The following GALNTL5 variants were observed in gnomAD, a reference collection of about 807,000 sequenced individuals.
The protein encoded by GALNTL5 is polypeptide N-acetylgalactosaminyltransferase like 5.
In GALNTL5, 44 loss-of-function variants were observed where a neutral mutation model predicts 51.0. That is an observed-to-expected ratio of 0.86 (90% CI 0.68 to 1.11). The LOEUF (loss-of-function observed/expected upper bound fraction) is 1.11. GALNTL5 is among the 50% of genes least tolerant of loss of function. The pLI is 0.00. For missense variants in GALNTL5, 528 were observed against 531.8 expected (o/e 0.99, Z 0.07); for synonymous variants, 192 against 182.8 (o/e 1.05, Z -0.41).
At chr7:151,987,883 G>C (rs1215973287) in intron 5 of GALNTL5, among the ~76,000 whole-genome samples, 1 of 152,226 alleles carries the variant, frequency 6.6e-6, no homozygotes, top group Non-Finnish European at 1.5e-5. Flanking sequence ...CCGTTAGGGA[G>C]ACCTGCAATG....
chr7:151,971,270 GT>G (rs2081135315), intron 3 of GALNTL5, among the ~76,000 whole-genome samples: 1 of 152,144 alleles, frequency 6.6e-6, no homozygotes, highest in South Asian at 2.1e-4. Context: ...TGTAGAGAAT[GT>G]CTTCTTCGTG....
At chr7:152,013,817 C>T (rs1159781858) in intron 7 of GALNTL5, among the ~76,000 whole-genome samples, 4 of 152,182 alleles carry the variant, frequency 2.6e-5, no homozygotes, top group South Asian at 2.1e-4. Flanking sequence ...TTGACTCACT[C>T]GGAATGTTAG....
rs934340225 is a variant in GALNTL5, at chr7:151,956,449, A to G, written c.-200A>G. 2.6e-5 allele frequency: 4 copies of G among 152,404 alleles called. No homozygotes were observed. The highest frequency in any genetic ancestry group is 5.9e-5 in the Non-Finnish European group (4 of 68,114). The allele number at this position is 152,404 out of a possible 1,614,324, so 9.4% of individuals were successfully genotyped here. ...CTACTGTGTGGCCCCGCAACCCAGC[A>G]CAACCAGGTATCTGCTTGGAACCCA... is the stretch of plus-strand genomic sequence containing the variant. On this transcript the variant is annotated 5_prime_UTR_variant, in exon 1 of 9. Transcript: ENST00000392800.
At chr7:151,964,061 G>T (rs535339034) in intron 1 of GALNTL5, among the ~76,000 whole-genome samples, 1 of 152,108 alleles carries the variant, frequency 6.6e-6, no homozygotes, top group South Asian at 2.1e-4. Flanking sequence ...CCAGCTGCCG[G>T]CAGGTTTGGT....
intron 3 of GALNTL5, among the ~76,000 whole-genome samples, chr7:151,976,083 A>G (rs557294087): frequency 6.6e-6 from 1 of 152,288 alleles, no homozygotes; most frequent in East Asian, 1.9e-4. Context: ...TGTTAGGTCC[A>G]TTTGATCTAA....
chr7:151,982,051 A>G (rs1378446038), intron 3 of GALNTL5, among the ~76,000 whole-genome samples: 1 of 152,118 alleles, frequency 6.6e-6, no homozygotes, highest in Non-Finnish European at 1.5e-5. Flanking sequence ...AATAATTAAT[A>G]ACTAATATTA....
chr7:151,962,201 C>G (rs1393349904), intron 1 of GALNTL5, among the ~76,000 whole-genome samples: 1 of 151,832 alleles, frequency 6.6e-6, no homozygotes, highest in Admixed American at 6.6e-5. Context: ...CAGGGTTTTA[C>G]CATGTTGGTC....
Position 152,019,822 on chromosome 7 carries a change from A to G in GALNTL5, c.*21A>G. The G allele has an allele frequency of 6.3e-7, 1 of 1,596,088 alleles. No homozygotes were observed. The highest frequency in any genetic ancestry group is 8.6e-7 in the Non-Finnish European group (1 of 1,167,646). ...TGTGAAAGGAAAACAAATCACTTTC[A>G]TTAATAAAGGGTTAAAAGTCTCCTA... On this transcript the variant is annotated 3_prime_UTR_variant, in exon 9 of 9. Coordinates refer to ENST00000392800, the MANE Select transcript of GALNTL5 (RefSeq NM_145292.4).
At chr7:151,993,910 C>T (rs1339119758) in intron 5 of GALNTL5, among the ~76,000 whole-genome samples, 1 of 152,166 alleles carries the variant, frequency 6.6e-6, no homozygotes, top group East Asian at 1.9e-4. Context: ...GCATGAGCCA[C>T]CACACATGGC....
intron 3 of GALNTL5, among the ~76,000 whole-genome samples, chr7:151,980,470 C>T (rs1434029213): frequency 1.3e-5 from 2 of 152,186 alleles, no homozygotes; most frequent in Non-Finnish European, 2.9e-5. Context: ...TGCCCTCATT[C>T]CCATCTGTTC....
At chr7:151,969,844 T>A (rs1182494808) in intron 2 of GALNTL5, among the ~76,000 whole-genome samples, 3 of 152,226 alleles carry the variant, frequency 2.0e-5, no homozygotes, top group Non-Finnish European at 4.4e-5. Context: ...TCTCGCTCTG[T>A]CGCCCAGGCT....
intron 3 of GALNTL5, among the ~76,000 whole-genome samples, chr7:151,980,451 C>T (rs533095989): frequency 2.3e-4 from 35 of 152,302 alleles, no homozygotes; most frequent in African/African-American, 7.5e-4. Context: ...CAAGTGCAGA[C>T]GGTGCAGGTG....
In GALNTL5 at chr7:151,989,747, C is replaced by T. The variant is rs141818225; in HGVS notation, c.658+2466C>T. On this transcript the variant is annotated intron_variant, in intron 5 of 8. Coordinates refer to ENST00000392800, the MANE Select transcript of GALNTL5 (RefSeq NM_145292.4). ...TCTGCAGCCAGAGATGAATATGGCC[C>T]GTCTTTTTAATGTTTGCCACAGTTG... Among the ~76,000 whole-genome samples the T allele has an allele frequency of 5.0e-3, 765 of 152,194 alleles. 2 individuals carry two copies. Among genetic ancestry groups the T allele is most frequent in the Middle Eastern group, 0.017 (5 of 292 alleles).
intron 2 of GALNTL5, 139 bp downstream of exon 2, chr7:151,967,632 A>ACTG: frequency 1.8e-6 from 1 of 545,798 alleles, no homozygotes; most frequent in South Asian, 3.3e-5. Flanking sequence ...TAGTGTATAT[A>ACTG]TCTATACATA....
intron 5 of GALNTL5, among the ~76,000 whole-genome samples, chr7:151,989,958 T>C (rs1563015128): frequency 1.3e-5 from 2 of 152,232 alleles, no homozygotes. Flanking sequence ...AGAAATTCTA[T>C]ATTATGAACA....
In GALNTL5 at chr7:151,983,172, A is replaced by AT. The variant is rs1289317205; in HGVS notation, c.535+21dup. On this transcript the variant is annotated intron_variant, in intron 4 of 8. Coordinates refer to ENST00000392800, the MANE Select transcript of GALNTL5 (RefSeq NM_145292.4). ...AAGTTGGTAAGATAGAACACTCATT[A>AT]TCTCATCTACTTTGTTGTTGTTGTT... 2 of 1,587,802 alleles carry AT rather than the reference A, an allele frequency of 1.3e-6. No individual in the cohort carries two copies. The highest frequency in any genetic ancestry group is 2.7e-5 in the African/African-American group (2 of 74,296).
chr7:151,980,559 CT>C (rs1461018811), intron 3 of GALNTL5, among the ~76,000 whole-genome samples: 2 of 151,872 alleles, frequency 1.3e-5, no homozygotes, highest in African/African-American at 4.8e-5. Flanking sequence ...GGCATGACTT[CT>C]CTGTCTTCAT....
chr7:152,008,328 A>T (rs574799451), intron 7 of GALNTL5, among the ~76,000 whole-genome samples: 1 of 151,346 alleles, frequency 6.6e-6, no homozygotes, highest in Admixed American at 6.6e-5. Flanking sequence ...TAATCCTCCC[A>T]TCTCGGCCTC....
At chr7:152,016,896 G>A (rs1031669696) in intron 8 of GALNTL5, among the ~76,000 whole-genome samples, 5 of 151,842 alleles carry the variant, frequency 3.3e-5, no homozygotes, top group African/African-American at 9.7e-5. Flanking sequence ...AAATTAGCCG[G>A]GCATGGTGGT....
Sources: gnomAD v4.1 joint callset for allele counts (sites outside exome capture counted in the v4.1 genomes callset) on GRCh38, gnomAD v4.1.1 for gene constraint, MANE v1.5 for transcripts, NCBI Gene and HGNC (gene_info 2026-07-23, HGNC 2026-07-21) for gene names.